UNC5B: variants seen among roughly 807,000 people sequenced by gnomAD.
The protein encoded by UNC5B is netrin receptor UNC5B.
In UNC5B, 56 loss-of-function variants were observed where a neutral mutation model predicts 103.7. That is an observed-to-expected ratio of 0.54 (90% CI 0.44 to 0.67). The LOEUF is 0.67. Among genes scored for constraint, UNC5B ranks in the 30% least tolerant of loss-of-function variants. The probability of loss-of-function intolerance (pLI) is 0.00; values close to 1 mark genes in which losing one functional copy is unlikely to be tolerated. For missense variants in UNC5B, 1,194 were observed against 1,284.5 expected (o/e 0.93, Z 1.08); for synonymous variants, 577 against 542.0 (o/e 1.06, Z -0.90).
intron 1 of UNC5B, among the ~76,000 whole-genome samples, chr10:71,230,779 C>T (rs1011503538): frequency 1.9e-4 from 29 of 152,248 alleles, no homozygotes; most frequent in Non-Finnish European, 1.5e-5. Flanking sequence ...AAGGACCTCC[C>T]GCCCACAGAA....
intron 1 of UNC5B, among the ~76,000 whole-genome samples, chr10:71,273,481 G>A (rs1439680581): frequency 4.6e-5 from 7 of 152,232 alleles, no homozygotes; most frequent in Admixed American, 4.6e-4. Flanking sequence ...GAATGTTGGA[G>A]CCACCCCCTC....
intron 1 of UNC5B, among the ~76,000 whole-genome samples, chr10:71,254,671 A>T (rs1221722112): frequency 6.6e-6 from 1 of 152,230 alleles, no homozygotes; most frequent in Non-Finnish European, 1.5e-5. Context: ...ACAATGGGAC[A>T]TCCCCAGAGA....
At chr10:71,283,119 CA>C (rs36031947) in intron 2 of UNC5B, among the ~76,000 whole-genome samples, 35,911 of 144,766 alleles carry the variant, frequency 0.25, 5,161 homozygotes, top group African/African-American at 0.42. Flanking sequence ...GACTCCGTCT[CA>C]AAAAAAAAAA....
rs144371231 is a variant in UNC5B, at chr10:71,213,728, A to AGAGTGTGTGTGTGTGT, written c.79+665_79+666insAGTGTGTGTGTGTGTG. ...ATTATTAATTTTCTGAGTGTTGGAG[A>AGAGTGTGTGTGTGTGT]GTGTGTGTGTGTGTGTGTGTGTGTG... On this transcript the variant is annotated intron_variant, in intron 1 of 16. Transcript: ENST00000335350. This position sits in a 1 kb window ranked among gnomAD's most constrained non-coding sequence, Gnocchi z 4.1. Among the ~76,000 whole-genome samples the AGAGTGTGTGTGTGTGT allele has an allele frequency of 1.5e-4, 20 of 131,472 alleles. No homozygotes were observed. Among genetic ancestry groups the AGAGTGTGTGTGTGTGT allele is most frequent in the African/African-American group, 5.3e-4 (18 of 34,258 alleles). The allele number at this position is 131,472 out of a possible 152,430, so 86.3% of individuals were successfully genotyped here.
chr10:71,238,636 G>A (rs971588038), intron 1 of UNC5B, among the ~76,000 whole-genome samples: 1 of 151,976 alleles, frequency 6.6e-6, no homozygotes, highest in Non-Finnish European at 1.5e-5. Context: ...TGTATTTTTA[G>A]TAGAGATGGG....
chr10:71,220,024 G>A (rs1843421640), intron 1 of UNC5B, among the ~76,000 whole-genome samples: 1 of 152,174 alleles, frequency 6.6e-6, no homozygotes, highest in South Asian at 2.1e-4. Context: ...GTTAGCATCT[G>A]CTGTGTTCAC....
chr10:71,221,164 A>G (rs1843444871), intron 1 of UNC5B, among the ~76,000 whole-genome samples: 1 of 152,182 alleles, frequency 6.6e-6, no homozygotes, highest in African/African-American at 2.4e-5. Context: ...CTCTCACCGA[A>G]GCCATAAATC....
Position 71,286,867 on chromosome 10 carries a change from A to G in UNC5B, c.731A>G (p.Tyr244Cys). The G allele has an allele frequency of 1.2e-6, 2 of 1,613,820 alleles. No individual in the cohort carries two copies. Among genetic ancestry groups the G allele is most frequent in the East Asian group, 2.2e-5 (1 of 44,872 alleles). The change falls in exon 5 of 17, where the codon TAC becomes TGC. Residue 244 changes from tyrosine (Y) to cysteine (C), a missense_variant and splice_region_variant. Tyr to Cys is a radical substitution (Grantham distance 194). Coordinates refer to ENST00000335350, the MANE Select transcript of UNC5B (RefSeq NM_170744.5). ...RRSTTATVIV[Y>C]VNGGWSSWAE... ...AGCACCACTGCCACCGTCATCGTCT[A>G]CGGTGCGGGCCTTTCGGAGTGGGAG...
intron 1 of UNC5B, among the ~76,000 whole-genome samples, chr10:71,220,205 T>A (rs1462288301): frequency 1.3e-5 from 2 of 152,194 alleles, no homozygotes; most frequent in Admixed American, 1.3e-4. Flanking sequence ...GCCTTCTTCT[T>A]GGATCTCTCT....
chr10:71,257,682 T>C (rs1844322916), intron 1 of UNC5B, among the ~76,000 whole-genome samples: 1 of 152,198 alleles, frequency 6.6e-6, no homozygotes, highest in African/African-American at 2.4e-5. Context: ...TGTGTGGGTT[T>C]GGAAGATGTT....
At chr10:71,250,744 C>T (rs117102849) in intron 1 of UNC5B, among the ~76,000 whole-genome samples, 3 of 152,170 alleles carry the variant, frequency 2.0e-5, no homozygotes, top group Non-Finnish European at 4.4e-5. Flanking sequence ...GCAGTGGTTT[C>T]CTGAAGGGTT....
At position 71,222,486 on chromosome 10, in the gene UNC5B, A is replaced by G. The variant is rs574767913; in HGVS notation, c.79+9422A>G. On this transcript the variant is annotated intron_variant, in intron 1 of 16. Coordinates refer to ENST00000335350, the MANE Select transcript of UNC5B (RefSeq NM_170744.5). ...TCTTGGCAGAGTGGGTGCTCTGTGG[A>G]TTTCCATTGCCTTCCCTTCTCTTCC... Among the ~76,000 whole-genome samples, 3 of 149,914 alleles carry G rather than the reference A, an allele frequency of 2.0e-5. No homozygotes were observed. The Admixed American group carries it at 2.0e-4, about 10-fold the overall frequency.
chr10:71,270,773 G>A (rs1382412099), intron 1 of UNC5B, among the ~76,000 whole-genome samples: 1 of 152,142 alleles, frequency 6.6e-6, no homozygotes, highest in Non-Finnish European at 1.5e-5. Flanking sequence ...TGGGTGCTTG[G>A]CGGAGTCTAA....
chr10:71,285,521 T>C, intron 4 of UNC5B, 92 bp downstream of exon 4: 1 of 1,152,640 alleles, frequency 8.7e-7, no homozygotes, highest in Non-Finnish European at 1.2e-6. Context: ...GCCATGGTGC[T>C]AGTCTCCCAG....
intron 1 of UNC5B, among the ~76,000 whole-genome samples, chr10:71,270,400 A>T (rs1844621908): frequency 1.3e-5 from 2 of 149,712 alleles, no homozygotes; most frequent in African/African-American, 2.5e-5. Flanking sequence ...GGGAGGGAAG[A>T]CTGGTGAGTC....
At chr10:71,281,001 ATT>A (rs1713698509) in intron 2 of UNC5B, among the ~76,000 whole-genome samples, 1 of 150,302 alleles carries the variant, frequency 6.7e-6, no homozygotes, top group Admixed American at 6.6e-5. Flanking sequence ...CTCCCTGCTC[ATT>A]TCTCTCTCTC....
At chr10:71,296,467 G>A in intron 14 of UNC5B, 111 bp from the exon 15 acceptor site, 3 of 1,257,320 alleles carry the variant, frequency 2.4e-6, no homozygotes, top group South Asian at 2.9e-5. Context: ...CTATCTGGGT[G>A]GAGAGGCCTG....
intron 14 of UNC5B, among the ~76,000 whole-genome samples, chr10:71,296,264 A>G (rs1845409723): frequency 6.6e-6 from 1 of 152,190 alleles, no homozygotes; most frequent in Non-Finnish European, 1.5e-5. Context: ...CCCTCCTGGC[A>G]GACTGCCCAT....
intron 1 of UNC5B, among the ~76,000 whole-genome samples, chr10:71,218,736 T>C (rs200390467): frequency 6.6e-6 from 1 of 152,154 alleles, no homozygotes; most frequent in Non-Finnish European, 1.5e-5. Flanking sequence ...GGAGCGGCTG[T>C]GGTTTGGAGA....
Sources: allele counts gnomAD v4.1 joint callset (sites outside exome capture counted in the v4.1 genomes callset), GRCh38; gene constraint gnomAD v4.1.1; non-coding constraint Gnocchi (gnomAD v3.1); transcripts MANE v1.5; gene names NCBI Gene and HGNC (gene_info 2026-07-23, HGNC 2026-07-21).